The following SYNPO2 variants were observed in gnomAD, a reference collection of about 807,000 sequenced individuals.
The protein encoded by SYNPO2 is synaptopodin 2, also known as synaptopodin-2.
In SYNPO2, 56 loss-of-function variants were observed where a neutral mutation model predicts 85.0. The ratio of observed to expected loss-of-function variants is 0.66; its 90% CI spans 0.53 to 0.82. SYNPO2 has a LOEUF of 0.82. Ranked by LOEUF, SYNPO2 falls within the 40% of genes least tolerant of loss-of-function variation. The probability of loss-of-function intolerance (pLI) is 0.00; values close to 1 mark genes in which losing one functional copy is unlikely to be tolerated. For missense variants in SYNPO2, 1,575 were observed against 1,534.2 expected (o/e 1.03, Z -0.44); for synonymous variants, 602 against 591.1 (o/e 1.02, Z -0.27).
chr4:118,909,570 G>A (rs1733063792), intron 1 of SYNPO2, among the ~76,000 whole-genome samples: 1 of 152,230 alleles, frequency 6.6e-6, no homozygotes, highest in African/African-American at 2.4e-5. Context: ...GTGGAAGGGT[G>A]TTTTCCCACT....
chr4:118,988,080 C>G (rs1036366018), intron 1 of SYNPO2, among the ~76,000 whole-genome samples: 1 of 152,182 alleles, frequency 6.6e-6, no homozygotes, highest in African/African-American at 2.4e-5. Flanking sequence ...CTAATCTGCA[C>G]ATGTACTGCC....
At chr4:118,971,373 G>T (rs767997797) in intron 1 of SYNPO2, among the ~76,000 whole-genome samples, 17 of 152,180 alleles carry the variant, frequency 1.1e-4, no homozygotes, top group Non-Finnish European at 1.9e-4. Flanking sequence ...TATCTCAAAG[G>T]TCCCAAATGT....
At chr4:119,054,364 G>A (rs1739144187) in intron 4 of SYNPO2, among the ~76,000 whole-genome samples, 2 of 152,188 alleles carry the variant, frequency 1.3e-5, no homozygotes, top group South Asian at 4.1e-4. Context: ...CGGTGTGATG[G>A]CCTTTTTGGG....
At chr4:118,928,477 A>C (rs1307736248) in intron 1 of SYNPO2, among the ~76,000 whole-genome samples, 1 of 152,100 alleles carries the variant, frequency 6.6e-6, no homozygotes, top group Admixed American at 6.6e-5. Context: ...TGCAAGGAAA[A>C]AAAAAACCAG....
chr4:118,997,059 T>A (rs1181021518), intron 1 of SYNPO2, among the ~76,000 whole-genome samples: 2 of 150,234 alleles, frequency 1.3e-5, no homozygotes, highest in African/African-American at 4.9e-5. Flanking sequence ...GCTAAAACGG[T>A]GAAACCCCGT....
chr4:118,874,749 T>A (rs895740819), intron 1 of SYNPO2, among the ~76,000 whole-genome samples: 1 of 152,130 alleles, frequency 6.6e-6, no homozygotes, highest in Non-Finnish European at 1.5e-5. Context: ...AAACTGGATA[T>A]TTATTTAAAA....
intron 1 of SYNPO2, among the ~76,000 whole-genome samples, chr4:118,877,557 C>A (rs1260944780): frequency 6.6e-6 from 1 of 152,164 alleles, no homozygotes; most frequent in Admixed American, 6.5e-5. Context: ...CGTGAACAAG[C>A]ACTTTTCAAA....
intron 1 of SYNPO2, among the ~76,000 whole-genome samples, chr4:118,864,483 A>T (rs1731668860): frequency 6.6e-6 from 1 of 152,198 alleles, no homozygotes; most frequent in Non-Finnish European, 1.5e-5. Context: ...ATTAAGTCTG[A>T]TGTTTCTTTG....
chr4:119,030,698 T>G lies in SYNPO2; in HGVS notation c.1923T>G (p.Ala641=). The G allele has an allele frequency of 6.2e-7, 1 of 1,614,164 alleles. No individual in the cohort carries two copies. The highest frequency in any genetic ancestry group is 8.5e-7 in the Non-Finnish European group (1 of 1,180,040). Residue 641 remains alanine, a synonymous_variant, in exon 4 of 5, where the codon GCT becomes GCG. Coordinates refer to ENST00000307142, the MANE Select transcript of SYNPO2 (RefSeq NM_133477.3). ...AFSRGVSSPI[A]GPAQPPPWPQ... is the part of the protein sequence containing the mutation. ...CCAGAGGGGTTTCAAGTCCGATTGC[T>G]GGCCCAGCACAGCCCCCTCCATGGC...
chr4:118,976,167 T>C (rs992148023), intron 1 of SYNPO2, among the ~76,000 whole-genome samples: 3 of 151,952 alleles, frequency 2.0e-5, no homozygotes, highest in African/African-American at 7.2e-5. Flanking sequence ...AGTTGGCACG[T>C]CTGGAGTCTG....
chr4:118,978,020 A>G (rs745855643), intron 1 of SYNPO2, among the ~76,000 whole-genome samples: 1 of 152,248 alleles, frequency 6.6e-6, no homozygotes, highest in Non-Finnish European at 1.5e-5. Context: ...TTGCCGTTGC[A>G]TGAATATTTT....
intron 1 of SYNPO2, among the ~76,000 whole-genome samples, chr4:119,007,774 A>G (rs1404682393): frequency 6.6e-6 from 1 of 152,038 alleles, no homozygotes; most frequent in East Asian, 1.9e-4. Context: ...TTAACCACTG[A>G]TATTGGCGAA....
intron 1 of SYNPO2, among the ~76,000 whole-genome samples, chr4:118,967,170 G>A (rs1489932281): frequency 6.6e-6 from 1 of 152,134 alleles, no homozygotes; most frequent in African/African-American, 2.4e-5. Context: ...CAGCTACTGA[G>A]TTAATTTCAA....
rs533435391 is a variant in SYNPO2, at chr4:118,912,337, G to A, written c.105+23196G>A. 1.5e-4 allele frequency among the ~76,000 whole-genome samples: 23 copies of A among 152,158 alleles called. No individual in the cohort carries two copies. The East Asian group carries it at 3.5e-3, about 23-fold the overall frequency. ...CTGGGACTACAGGTGCATGCCACCA[G>A]ACCCAGCTAATTTTTGTACTTTTAG... On this transcript the variant is annotated intron_variant, in intron 1 of 4. Transcript: ENST00000307142.
intron 1 of SYNPO2, among the ~76,000 whole-genome samples, chr4:118,910,624 G>A (rs116179402): frequency 0.015 from 2,355 of 152,086 alleles, 30 homozygotes; most frequent in Non-Finnish European, 0.021. Context: ...GGGACTAGTG[G>A]CTTCAGAGAA....
chr4:118,973,041 A>T (rs1192293773), intron 1 of SYNPO2, among the ~76,000 whole-genome samples: 1 of 152,176 alleles, frequency 6.6e-6, no homozygotes, highest in African/African-American at 2.4e-5. Flanking sequence ...CATTAAATGC[A>T]TTTTTGACTT....
At chr4:119,056,883 A>G (rs553598998) in intron 4 of SYNPO2, among the ~76,000 whole-genome samples, 1 of 152,334 alleles carries the variant, frequency 6.6e-6, no homozygotes, top group Admixed American at 6.5e-5. Flanking sequence ...CACTAGACCA[A>G]CATTAGATAA....
intron 1 of SYNPO2, among the ~76,000 whole-genome samples, chr4:118,911,077 T>C (rs969189089): frequency 3.3e-5 from 5 of 152,170 alleles, no homozygotes; most frequent in African/African-American, 1.2e-4. Context: ...TATCTGATGA[T>C]TTCTCACACA....
At chr4:119,002,203 A>T (rs1201908578) in intron 1 of SYNPO2, among the ~76,000 whole-genome samples, 4 of 152,144 alleles carry the variant, frequency 2.6e-5, no homozygotes, top group Non-Finnish European at 4.4e-5. Flanking sequence ...TTCATCCCCA[A>T]ACTCACTCCA....
Sources: gnomAD v4.1 joint callset for allele counts (sites outside exome capture counted in the v4.1 genomes callset) on GRCh38, gnomAD v4.1.1 for gene constraint, MANE v1.5 for transcripts, NCBI Gene and HGNC (gene_info 2026-07-23, HGNC 2026-07-21) for gene names.